Variants in EFL1 observed in about 807,000 individuals in gnomAD.
EFL1 encodes the protein elongation factor-like GTPase 1.
Under a neutral mutation model 126.7 loss-of-function variants are expected in EFL1, and 76 were observed. That is an observed-to-expected ratio of 0.60 (90% CI 0.50 to 0.73). EFL1 has a LOEUF of 0.73. Among genes scored for constraint, EFL1 ranks in the 30% least tolerant of loss-of-function variants. The probability of loss-of-function intolerance (pLI) is 0.00; values close to 1 mark genes in which losing one functional copy is unlikely to be tolerated. For synonymous variants in EFL1, 410 were observed against 448.4 expected (o/e 0.91, Z 1.08); for missense variants, 1,128 against 1,343.2 (o/e 0.84, Z 2.50).
chr15:82,240,997 C>G (rs1464933855), intron 5 of EFL1, among the ~76,000 whole-genome samples: 1 of 152,150 alleles, frequency 6.6e-6, no homozygotes, highest in African/African-American at 2.4e-5. Flanking sequence ...TTGCAGTAAG[C>G]CAAGATCATG....
chr15:82,249,151 A>T (rs2074999043), intron 4 of EFL1, among the ~76,000 whole-genome samples: 2 of 152,046 alleles, frequency 1.3e-5, no homozygotes, highest in Admixed American at 1.3e-4. Context: ...TCTATAGTAA[A>T]TATAAACTTG....
At chr15:82,206,149 A>G in intron 15 of EFL1, among the ~76,000 whole-genome samples, 1 of 152,346 alleles carries the variant, frequency 6.6e-6, no homozygotes, top group Non-Finnish European at 1.5e-5. Context: ...ATATCAAATA[A>G]AAGAAATTCA....
At chr15:82,210,737 T>C (rs4778983) in intron 15 of EFL1, among the ~76,000 whole-genome samples, 47,619 of 151,650 alleles carry the variant, frequency 0.31, 7,828 homozygotes, top group African/African-American at 0.39. Context: ...TGGTGGTTGC[T>C]TGTAATCGCA....
intron 11 of EFL1, 69 bp from the exon 12 acceptor site, chr15:82,225,333 G>C: frequency 8.3e-7 from 1 of 1,210,776 alleles, no homozygotes; most frequent in Non-Finnish European, 1.1e-6. Context: ...GATTTTTCTG[G>C]AAAACAATTA....
Position 82,151,811 on chromosome 15 carries a change from G to A in EFL1, c.2643C>T (p.Pro881=), listed in dbSNP as rs768259491. 2 of 1,614,118 alleles carry A rather than the reference G, an allele frequency of 1.2e-6. No homozygotes were observed. The highest frequency in any genetic ancestry group is 3.3e-5 in the Admixed American group (2 of 60,014). The change falls in exon 18 of 20, where the codon CCC becomes CCT. Residue 881 remains proline, a synonymous_variant. Transcript: ENST00000268206. ...SGFQLATLSG[P]MCEEPLMGVC... ...CACCCATGAGAGGCTCCTCACACAT[G>A]GGGCCAGAGAGGGTTGCTAGTTGGA...
Position 82,219,804 on chromosome 15 carries a change from C to A in EFL1, c.1459G>T (p.Val487Leu). 3 of 1,605,032 alleles carry A rather than the reference C, an allele frequency of 1.9e-6. No homozygotes were observed. Among genetic ancestry groups the A allele is most frequent in the Non-Finnish European group, 2.5e-6 (3 of 1,177,842 alleles). ...GEEPRGDEQQ[V>L]ESMTPKPVLQ... is the part of the protein sequence containing the mutation. ...ACAGGTTTAGGGGTCATACTTTCCA[C>A]CTGTTGCTCGTCACCTGACAGAAAC... Residue 487 changes from valine (V) to leucine (L), a missense_variant, in exon 14 of 20, where the codon GTG (valine) becomes TTG (leucine). Transcript: ENST00000268206.
chr15:82,163,172 T>C (rs994678088), intron 16 of EFL1, among the ~76,000 whole-genome samples: 2 of 152,160 alleles, frequency 1.3e-5, no homozygotes, highest in Non-Finnish European at 2.9e-5. Context: ...CTGTCAAACC[T>C]AGAGGGAAGA....
chr15:82,234,148 G>C (rs2074849683), intron 7 of EFL1, among the ~76,000 whole-genome samples: 2 of 152,276 alleles, frequency 1.3e-5, no homozygotes, highest in Admixed American at 1.3e-4. Flanking sequence ...CAATTTGTGT[G>C]ATTTAGACTA....
intron 19 of EFL1, among the ~76,000 whole-genome samples, chr15:82,133,966 G>A (rs2073691281): frequency 6.6e-6 from 1 of 152,208 alleles, no homozygotes; most frequent in East Asian, 1.9e-4. Context: ...AACGTGGTGT[G>A]AGGGTCAACT....
chr15:82,212,735 C>T (rs1263457677), intron 15 of EFL1, among the ~76,000 whole-genome samples: 2 of 152,158 alleles, frequency 1.3e-5, no homozygotes, highest in Non-Finnish European at 2.9e-5. Flanking sequence ...CCATTCACAA[C>T]CCCAATATCT....
chr15:82,256,161 G>A (rs777072228), intron 3 of EFL1, among the ~76,000 whole-genome samples: 4 of 152,042 alleles, frequency 2.6e-5, no homozygotes, highest in Non-Finnish European at 5.9e-5. Flanking sequence ...CCACCAGGCC[G>A]GAGTGCAGTT....
At chr15:82,160,224 T>C (rs963463078) in intron 16 of EFL1, among the ~76,000 whole-genome samples, 1 of 152,206 alleles carries the variant, frequency 6.6e-6, no homozygotes, top group African/African-American at 2.4e-5. Context: ...CAAACAGTCA[T>C]GTAGAGAGGA....
chr15:82,230,721 T>C, intron 8 of EFL1, 127 bp downstream of exon 8: 1 of 1,152,216 alleles, frequency 8.7e-7, no homozygotes, highest in Non-Finnish European at 1.2e-6. Context: ...TTATATACAG[T>C]AAAAAATCCC....
At chr15:82,233,199 C>A (rs971374758) in intron 7 of EFL1, among the ~76,000 whole-genome samples, 9 of 152,132 alleles carry the variant, frequency 5.9e-5, no homozygotes, top group Admixed American at 5.2e-4. Flanking sequence ...TCTTTTTTAT[C>A]CCGTAGTTAC....
At chr15:82,163,456 G>A (rs1327182153) in intron 16 of EFL1, among the ~76,000 whole-genome samples, 1 of 152,190 alleles carries the variant, frequency 6.6e-6, no homozygotes, top group Non-Finnish European at 1.5e-5. Flanking sequence ...CAGGAGAATC[G>A]CTTGAACCCA....
chr15:82,238,457 G>A lies in EFL1; in HGVS notation c.581C>T (p.Thr194Ile), dbSNP rs772750807. Residue 194 changes from threonine (T) to isoleucine (I), a missense_variant, in exon 7 of 20, where the codon ACT becomes ATT. Transcript: ENST00000268206. ...KVLEERAERETESQVNPNSEQ... is the reference protein window; with the variant it reads ...KVLEERAEREIESQVNPNSEQ... ...AGAATTTGGATTCACTTGGGATTCA[G>A]TCTCCCTCTCTGCTCTTTCTTCTAG... The A allele has an allele frequency of 1.2e-5, 19 of 1,614,008 alleles. No individual in the cohort carries two copies. Among genetic ancestry groups the A allele is most frequent in the Non-Finnish European group, 1.6e-5 (19 of 1,180,032 alleles).
chr15:82,256,799 G>A (rs2075070574), intron 3 of EFL1, among the ~76,000 whole-genome samples: 1 of 152,086 alleles, frequency 6.6e-6, no homozygotes, highest in African/African-American at 2.4e-5. Context: ...AACCAATCTT[G>A]AATTCCTTGG....
At chr15:82,161,362 A>G (rs1567045522) in intron 16 of EFL1, among the ~76,000 whole-genome samples, 3 of 152,246 alleles carry the variant, frequency 2.0e-5, no homozygotes, top group Non-Finnish European at 4.4e-5. Flanking sequence ...AAGGATGAGC[A>G]TAAGTTACTA....
intron 15 of EFL1, among the ~76,000 whole-genome samples, chr15:82,181,874 ACTT>A (rs970020232): frequency 6.6e-6 from 1 of 152,010 alleles, no homozygotes; most frequent in African/African-American, 2.4e-5. Context: ...CTTCCCAAAT[ACTT>A]CTTTTTTCAT....
Sources: gnomAD v4.1 joint callset for allele counts (sites outside exome capture counted in the v4.1 genomes callset) on GRCh38, gnomAD v4.1.1 for gene constraint, MANE v1.5 for transcripts, NCBI Gene and HGNC (gene_info 2026-07-23, HGNC 2026-07-21) for gene names.